Variants in SEMA3A observed in about 807,000 individuals in gnomAD.
SEMA3A encodes the protein semaphorin 3A.
SEMA3A carries 29 observed loss-of-function variants against 97.9 expected under a neutral mutation model. The ratio of observed to expected loss-of-function variants is 0.30; its 90% confidence interval spans 0.22 to 0.40. SEMA3A has a LOEUF of 0.40. Ranked by LOEUF, SEMA3A falls within the 10% of genes least tolerant of loss-of-function variation. The pLI, the probability that SEMA3A is intolerant of heterozygous loss-of-function variation, is 1.00. For missense variants in SEMA3A, 763 were observed against 951.3 expected, an observed-to-expected ratio of 0.80 and a Z score of 2.60; for synonymous variants, 321 against 323.7, an observed-to-expected ratio of 0.99 and a Z score of 0.09.
Position 84,206,497 on chromosome 7 carries a change from A to G in SEMA3A, c.-82-11829T>C, listed in dbSNP as rs150968625. ...CCACCACGCCTGGCTAATTTTTTCT[A>G]TTTTTTAGTAGAGACAGGGTTTCAA... is the stretch of plus-strand genomic sequence containing the variant. On this transcript the variant is annotated intron_variant, in intron 3 of 3. Coordinates refer to the SEMA3A transcript ENST00000424555. Among the ~76,000 whole-genome samples the G allele has an allele frequency of 4.3e-3, 658 of 151,690 alleles. 5 individuals carry two copies. The highest frequency in any genetic ancestry group is 0.015 in the African/African-American group (619 of 41,358).
At chr7:84,103,770 A>G (rs943747245) in intron 4 of SEMA3A, among the ~76,000 whole-genome samples, 3 of 152,162 alleles carry the variant, frequency 2.0e-5, no homozygotes, top group African/African-American at 7.2e-5. Flanking sequence ...TAGAGTCGAG[A>G]GGTAAAAGAA....
At chr7:83,988,916 G>A (rs1337370012) in intron 12 of SEMA3A, among the ~76,000 whole-genome samples, 1 of 147,352 alleles carries the variant, frequency 6.8e-6, no homozygotes, top group Non-Finnish European at 1.5e-5. Context: ...GGAGTGCAGT[G>A]GTGCGATCTC....
chr7:84,257,391 C>T (rs1401530433), intron 3 of SEMA3A, among the ~76,000 whole-genome samples: 1 of 151,764 alleles, frequency 6.6e-6, no homozygotes, highest in South Asian at 2.1e-4. Context: ...ACATTTTTTT[C>T]CCCAGGAGAT....
chr7:84,403,840 G>A lies in SEMA3A; in HGVS notation c.-245-31940C>T, dbSNP rs191300432. On this transcript the variant is annotated intron_variant, in intron 1 of 3. Transcript: ENST00000424555. The stretch of plus-strand genomic sequence containing the variant: ...AGACCTGCAGCTGAGGGTCCTGACT[G>A]TTAGAAGGAAAACTAACAAACAGAA... Among the ~76,000 whole-genome samples, 405 of 152,270 alleles carry A rather than the reference G, an allele frequency of 2.7e-3. 1 individual carries two copies. Among genetic ancestry groups the A allele is most frequent in the Non-Finnish European group, 4.5e-3 (303 of 68,028 alleles).
intron 3 of SEMA3A, among the ~76,000 whole-genome samples, chr7:84,283,433 AATC>A (rs1237901036): frequency 1.3e-5 from 2 of 152,120 alleles, no homozygotes; most frequent in African/African-American, 4.8e-5. Flanking sequence ...TTAGGCTTAA[AATC>A]CAAGAAAAAC....
intron 1 of SEMA3A, among the ~76,000 whole-genome samples, chr7:84,162,590 T>A (rs2078148): frequency 0.097 from 5,797 of 59,470 alleles, 291 homozygotes; most frequent in African/African-American, 0.18. Context: ...TCAATTTTTT[T>A]TTAAAAAAAA....
At chr7:84,008,371 G>A (rs1271822800) in intron 9 of SEMA3A, among the ~76,000 whole-genome samples, 4 of 151,702 alleles carry the variant, frequency 2.6e-5, no homozygotes, top group African/African-American at 9.7e-5. Flanking sequence ...GGTGGCTGTA[G>A]TCCCAGCTAC....
At chr7:84,096,293 T>C (rs993944772) in intron 4 of SEMA3A, among the ~76,000 whole-genome samples, 22 of 152,174 alleles carry the variant, frequency 1.4e-4, no homozygotes, top group African/African-American at 5.3e-4. Context: ...TTCTATATTA[T>C]AAAGTGAAGG....
chr7:84,302,259 C>CTGTG, intron 3 of SEMA3A, among the ~76,000 whole-genome samples: 1 of 151,948 alleles, frequency 6.6e-6, no homozygotes, highest in South Asian at 2.1e-4. Context: ...ATAATTTTTC[C>CTGTG]TGTGTGATAA....
intron 9 of SEMA3A, among the ~76,000 whole-genome samples, chr7:84,009,569 T>C (rs1439814321): frequency 1.3e-5 from 2 of 152,202 alleles, no homozygotes; most frequent in Non-Finnish European, 2.9e-5. Flanking sequence ...TATTTTTCTT[T>C]TAACATTTCA....
At chr7:84,191,107 T>G (rs1584106139) in intron 1 of SEMA3A, among the ~76,000 whole-genome samples, 1 of 151,332 alleles carries the variant, frequency 6.6e-6, no homozygotes, top group South Asian at 2.1e-4. Flanking sequence ...GGTAAAGAAC[T>G]TTTGCAAATT....
At chr7:84,078,032 A>G (rs892650082) in intron 4 of SEMA3A, among the ~76,000 whole-genome samples, 2 of 152,108 alleles carry the variant, frequency 1.3e-5, no homozygotes, top group Non-Finnish European at 2.9e-5. Flanking sequence ...TGTGACAACT[A>G]TTTAAGATGT....
chr7:84,339,356 T>G (rs1802109654), intron 2 of SEMA3A, among the ~76,000 whole-genome samples: 1 of 152,198 alleles, frequency 6.6e-6, no homozygotes, highest in Admixed American at 6.6e-5. Context: ...GACCACATAT[T>G]CTTATTATTG....
Position 84,475,621 on chromosome 7 carries a change from A to G in SEMA3A, c.-246+16839T>C, listed in dbSNP as rs371691863. ...ACATGCAACCTGGTGGTTTAATTGG[A>G]AAGTCGGAGGTGCCCCTATTTGCTT... On this transcript the variant is annotated intron_variant, in intron 1 of 3. Coordinates refer to the SEMA3A transcript ENST00000424555. Among the ~76,000 whole-genome samples the G allele has an allele frequency of 5.4e-4, 83 of 152,302 alleles. 1 individual carries two copies. The highest frequency in any genetic ancestry group is 1.9e-3 in the African/African-American group (81 of 41,574).
At chr7:84,240,354 A>G (rs1799328751) in intron 3 of SEMA3A, among the ~76,000 whole-genome samples, 1 of 152,088 alleles carries the variant, frequency 6.6e-6, no homozygotes, top group African/African-American at 2.4e-5. Context: ...ATCTTGAGAT[A>G]AAGAAATTTC....
intron 1 of SEMA3A, among the ~76,000 whole-genome samples, chr7:84,468,828 A>T (rs1201737317): frequency 3.3e-5 from 5 of 150,832 alleles, no homozygotes; most frequent in African/African-American, 1.2e-4. Context: ...TTTTTTTTTT[A>T]GAAAAATGAT....
intron 1 of SEMA3A, among the ~76,000 whole-genome samples, chr7:84,378,290 C>G (rs1280297730): frequency 6.6e-6 from 1 of 151,808 alleles, no homozygotes; most frequent in Non-Finnish European, 1.5e-5. Context: ...TTTACAATAG[C>G]AAAGACTTGG....
chr7:84,038,366 C>T (rs1792017569), intron 6 of SEMA3A, among the ~76,000 whole-genome samples: 1 of 152,006 alleles, frequency 6.6e-6, no homozygotes, highest in South Asian at 2.1e-4. Context: ...TTTAATTGTT[C>T]CATTCATTAA....
intron 9 of SEMA3A, among the ~76,000 whole-genome samples, chr7:84,008,546 A>T (rs1313737110): frequency 6.6e-6 from 1 of 152,102 alleles, no homozygotes; most frequent in Non-Finnish European, 1.5e-5. Flanking sequence ...GGCTTATAGA[A>T]ATGTGGCTTG....
Sources: gnomAD v4.1 joint callset for allele counts (sites outside exome capture counted in the v4.1 genomes callset) on GRCh38, gnomAD v4.1.1 for gene constraint, MANE v1.5 for transcripts, NCBI Gene and HGNC (gene_info 2026-07-23, HGNC 2026-07-21) for gene names.